HPSE2: variants seen among roughly 807,000 people sequenced by gnomAD.
HPSE2 encodes the protein heparanase 2 (inactive), also known as inactive heparanase-2.
Under a neutral mutation model 60.5 loss-of-function variants are expected in HPSE2, and 38 were observed. That is an observed-to-expected ratio of 0.63 (90% CI 0.48 to 0.82). The LOEUF (loss-of-function observed/expected upper bound fraction) is 0.82, where lower values mean the gene tolerates loss of function less well. Ranked by LOEUF, HPSE2 falls within the 40% of genes least tolerant of loss-of-function variation. The probability of loss-of-function intolerance (pLI) is 0.00; values close to 1 mark genes in which losing one functional copy is unlikely to be tolerated. For synonymous variants in HPSE2, 295 were observed against 293.2 expected (o/e 1.01, Z -0.06); for missense variants, 713 against 740.4 (o/e 0.96, Z 0.43).
At chr10:98,670,244 A>G (rs1321584697) in intron 6 of HPSE2, among the ~76,000 whole-genome samples, 1 of 152,158 alleles carries the variant, frequency 6.6e-6, no homozygotes, top group African/African-American at 2.4e-5. Flanking sequence ...AAGAGACATT[A>G]AGGATTTTGA....
At chr10:98,766,554 A>T (rs1950122777) in intron 3 of HPSE2, among the ~76,000 whole-genome samples, 1 of 152,220 alleles carries the variant, frequency 6.6e-6, no homozygotes, top group Non-Finnish European at 1.5e-5. Flanking sequence ...TTAACAAATT[A>T]ATTCACAAAT....
At chr10:99,077,579 T>A (rs1404306673) in intron 3 of HPSE2, among the ~76,000 whole-genome samples, 1 of 152,096 alleles carries the variant, frequency 6.6e-6, no homozygotes, top group Non-Finnish European at 1.5e-5. Flanking sequence ...TGTGAGTGTA[T>A]GTGTGTGTAT....
chr10:99,185,988 AAG>A (rs1847993274), intron 2 of HPSE2, among the ~76,000 whole-genome samples: 1 of 152,016 alleles, frequency 6.6e-6, no homozygotes, highest in Non-Finnish European at 1.5e-5. Context: ...CTAAAAGGCA[AAG>A]AGAGAAAGAA....
intron 3 of HPSE2, among the ~76,000 whole-genome samples, chr10:98,753,656 AG>A (rs147074469): frequency 0.015 from 2,290 of 152,292 alleles, 31 homozygotes; most frequent in African/African-American, 0.03. Context: ...CCAGCACAGC[AG>A]CAAGTGCTTA....
intron 3 of HPSE2, among the ~76,000 whole-genome samples, chr10:98,944,623 A>T (rs528993550): frequency 6.6e-6 from 1 of 152,270 alleles, no homozygotes; most frequent in East Asian, 1.9e-4. Context: ...TAGGCATAAC[A>T]TACTAAGCTT....
intron 3 of HPSE2, among the ~76,000 whole-genome samples, chr10:98,859,706 T>C (rs1952408070): frequency 1.3e-5 from 2 of 152,270 alleles, no homozygotes; most frequent in African/African-American, 4.8e-5. Flanking sequence ...TTTTCAGGCC[T>C]TCAGACTTGG....
At chr10:98,801,882 G>A (rs990145941) in intron 3 of HPSE2, among the ~76,000 whole-genome samples, 8 of 151,956 alleles carry the variant, frequency 5.3e-5, no homozygotes, top group South Asian at 2.1e-4. Context: ...CAGAATAGCC[G>A]AACCTACCCT....
intron 2 of HPSE2, among the ~76,000 whole-genome samples, chr10:99,160,739 AATACAAAAAAT>A (rs1236738634): frequency 5.9e-5 from 9 of 151,320 alleles, no homozygotes; most frequent in Admixed American, 6.6e-5. Context: ...CTCTACTAAA[AATACAAAAAAT>A]TAGCCGGGCG....
the HPSE2 span, among the ~76,000 whole-genome samples, chr10:99,280,591 C>T: frequency 2.1e-4 from 32 of 152,216 alleles, no homozygotes; most frequent in East Asian, 6.2e-3. Flanking sequence ...ATGGAACAGT[C>T]ACAGTTTGAA....
intron 2 of HPSE2, among the ~76,000 whole-genome samples, chr10:99,175,409 G>A (rs943073675): frequency 6.6e-5 from 10 of 152,196 alleles, no homozygotes; most frequent in East Asian, 1.9e-4. Flanking sequence ...GTCTGAAGTC[G>A]ACCTGGGAAG....
the HPSE2 span, among the ~76,000 whole-genome samples, chr10:99,289,718 C>T: frequency 2.6e-5 from 4 of 152,070 alleles, no homozygotes; most frequent in African/African-American, 7.2e-5. Context: ...TAAATTCTGA[C>T]GTCTTGGCAA....
At chr10:98,503,565 G>C (rs6584211) in intron 9 of HPSE2, among the ~76,000 whole-genome samples, 2 of 152,094 alleles carry the variant, frequency 1.3e-5, no homozygotes, top group Non-Finnish European at 2.9e-5. Context: ...ACTTGCACAC[G>C]CATGTTTATA....
At chr10:99,123,488 C>T (rs559521493) in intron 3 of HPSE2, among the ~76,000 whole-genome samples, 56 of 152,304 alleles carry the variant, frequency 3.7e-4, no homozygotes, top group African/African-American at 1.2e-3. Flanking sequence ...AAAGGCAGAG[C>T]GTGGTTTCAG....
chr10:99,104,643 C>A (rs1844162296), intron 3 of HPSE2, among the ~76,000 whole-genome samples: 1 of 152,152 alleles, frequency 6.6e-6, no homozygotes, highest in African/African-American at 2.4e-5. Context: ...TTCACAACAG[C>A]AAAGACTTGG....
chr10:98,997,998 CT>C (rs2135363497), intron 3 of HPSE2, among the ~76,000 whole-genome samples: 1 of 152,348 alleles, frequency 6.6e-6, no homozygotes, highest in South Asian at 2.1e-4. Context: ...GCACAGTGAC[CT>C]TTTCCTTCCA....
At chr10:99,208,943 G>C (rs1006260144) in intron 2 of HPSE2, among the ~76,000 whole-genome samples, 1 of 152,088 alleles carries the variant, frequency 6.6e-6, no homozygotes, top group Non-Finnish European at 1.5e-5. Context: ...ATTAATTAAT[G>C]AACATATAAT....
chr10:99,288,305 G>C, the HPSE2 span, among the ~76,000 whole-genome samples: 3 of 152,060 alleles, frequency 2.0e-5, no homozygotes, highest in African/African-American at 4.8e-5. Context: ...GCTCTACCAC[G>C]ATAGCTTACA....
At chr10:99,236,606 C>T (rs1589856616), upstream of HPSE2, among the ~76,000 whole-genome samples, 2 of 152,256 alleles carry the variant, frequency 1.3e-5, no homozygotes, top group Admixed American at 1.3e-4. Context: ...ATAGCCACAC[C>T]GAAGCATCCT....
chr10:98,688,472 T>TC (rs1947981162), intron 6 of HPSE2, among the ~76,000 whole-genome samples: 1 of 126,168 alleles, frequency 7.9e-6, no homozygotes. Context: ...TTTCTTTTTT[T>TC]TTTTCTTTTT....
Sources: allele counts gnomAD v4.1 joint callset (sites outside exome capture counted in the v4.1 genomes callset), GRCh38; gene constraint gnomAD v4.1.1; transcripts MANE v1.5; gene names NCBI Gene and HGNC (gene_info 2026-07-23, HGNC 2026-07-21).